The following ZNF573 variants were observed in gnomAD, a reference collection of about 807,000 sequenced individuals.
The protein encoded by ZNF573 is zinc finger protein 573.
A neutral mutation model predicts 57.4 loss-of-function variants in ZNF573; 41 were observed. The ratio of observed to expected loss-of-function variants is 0.71; its 90% CI spans 0.56 to 0.93. ZNF573 has a LOEUF of 0.93. ZNF573 is among the 40% of genes least tolerant of loss of function. The pLI is 0.00. For synonymous variants in ZNF573, 249 were observed against 261.0 expected (o/e 0.95, Z 0.44); for missense variants, 730 against 794.8 (o/e 0.92, Z 0.98).
At chr19:37,745,444 CTGGAGTGCAG>C (rs1168990591) in intron 4 of ZNF573, among the ~76,000 whole-genome samples, 1 of 151,920 alleles carries the variant, frequency 6.6e-6, no homozygotes, top group Non-Finnish European at 1.5e-5. Context: ...GTTGCCCAGG[CTGGAGTGCAG>C]TGACACGATC....
At chr19:37,776,729 T>C (rs891216087) in intron 1 of ZNF573, among the ~76,000 whole-genome samples, 4 of 152,038 alleles carry the variant, frequency 2.6e-5, no homozygotes, top group African/African-American at 4.8e-5. Context: ...ATTCACAAAC[T>C]GTACATCCAA....
intron 3 of ZNF573, among the ~76,000 whole-genome samples, chr19:37,770,832 T>TCATATATA (rs2045649724): frequency 1.1e-5 from 1 of 93,750 alleles, no homozygotes; most frequent in Non-Finnish European, 1.8e-5. Context: ...TTAAGTTATT[T>TCATATATA]TATATATATA....
chr19:37,739,393 G>A lies in ZNF573; in HGVS notation c.1097C>T (p.Thr366Ile), dbSNP rs1260212212. ...AGTAAGATTTCTATACAAAGTAAAGGTTTTCTTACACTCCTTACATTCATA... is the reference window on the plus strand; with the variant it reads ...AGTAAGATTTCTATACAAAGTAAAGATTTTCTTACACTCCTTACATTCATA... The part of the protein sequence containing the change: ...KPYECKECKK[T>I]FTLYRNLTRH... Residue 366 changes from threonine to isoleucine, a missense_variant, in exon 5 of 5, where the codon ACC becomes ATC. Transcript: ENST00000536220. The A allele has an allele frequency of 6.2e-7, 1 of 1,613,636 alleles. No individual in the cohort carries two copies. Among genetic ancestry groups the A allele is most frequent in the Non-Finnish European group, 8.5e-7 (1 of 1,179,950 alleles).
intron 4 of ZNF573, among the ~76,000 whole-genome samples, chr19:37,750,136 G>T (rs1269974780): frequency 1.3e-5 from 2 of 150,700 alleles, no homozygotes; most frequent in East Asian, 3.9e-4. Context: ...AGGCTGGGGT[G>T]CAGTGGCACG....
At chr19:37,753,741 T>A (rs1189960913) in intron 4 of ZNF573, among the ~76,000 whole-genome samples, 1 of 152,084 alleles carries the variant, frequency 6.6e-6, no homozygotes, top group South Asian at 2.1e-4. Flanking sequence ...AACAAAAAAA[T>A]TTTTATAGTT....
chr19:37,743,781 A>G (rs2045350695), intron 4 of ZNF573, among the ~76,000 whole-genome samples: 1 of 152,252 alleles, frequency 6.6e-6, no homozygotes, highest in South Asian at 2.1e-4. Context: ...AATGTGGTAC[A>G]TATACACCAT....
chr19:37,747,978 G>A (rs1035482382), intron 4 of ZNF573, among the ~76,000 whole-genome samples: 2 of 152,144 alleles, frequency 1.3e-5, no homozygotes, highest in African/African-American at 2.4e-5. Flanking sequence ...GAGCCACCGC[G>A]CCCGGCTGTT....
intron 4 of ZNF573, among the ~76,000 whole-genome samples, chr19:37,768,936 G>C (rs1329110412): frequency 2.0e-5 from 3 of 150,944 alleles, no homozygotes; most frequent in African/African-American, 7.3e-5. Flanking sequence ...AAAGTGCTGG[G>C]ATTACAGGCG....
At chr19:37,772,798 T>A (rs2145333800) in intron 2 of ZNF573, 1 of 196,396 alleles carries the variant, frequency 5.1e-6, no homozygotes, top group Middle Eastern at 2.5e-3. Flanking sequence ...CATGCCCAGA[T>A]GATTTTTGTA....
At chr19:37,779,074 G>T (rs1450323180) in intron 1 of ZNF573, among the ~76,000 whole-genome samples, 1 of 152,118 alleles carries the variant, frequency 6.6e-6, no homozygotes, top group African/African-American at 2.4e-5. Flanking sequence ...GCAAGCAGCT[G>T]TGAGGAGGGA....
intron 4 of ZNF573, among the ~76,000 whole-genome samples, chr19:37,768,868 G>A (rs867226904): frequency 8.2e-5 from 9 of 109,890 alleles, no homozygotes; most frequent in East Asian, 2.8e-4. Context: ...GGGTTTCACC[G>A]TGTTAGCCAG....
intron 4 of ZNF573, chr19:37,755,320 T>A (rs957336728): frequency 6.6e-6 from 1 of 152,228 alleles, no homozygotes; most frequent in Non-Finnish European, 1.5e-5. Flanking sequence ...AATGCTTATC[T>A]CTGATAATAA....
chr19:37,759,970 C>T (rs1466676292), intron 4 of ZNF573, among the ~76,000 whole-genome samples: 3 of 152,164 alleles, frequency 2.0e-5, no homozygotes, highest in East Asian at 1.9e-4. Flanking sequence ...TTTTTCTCAG[C>T]TTCAGCAATA....
At chr19:37,746,348 T>C (rs915094458) in intron 4 of ZNF573, among the ~76,000 whole-genome samples, 4 of 152,176 alleles carry the variant, frequency 2.6e-5, no homozygotes, top group African/African-American at 9.7e-5. Flanking sequence ...TGGAGTTGAA[T>C]AGATACAGAA....
At chr19:37,764,301 G>GAT (rs1555743551) in intron 4 of ZNF573, among the ~76,000 whole-genome samples, 3 of 146,728 alleles carry the variant, frequency 2.0e-5, no homozygotes, top group Non-Finnish European at 4.5e-5. Flanking sequence ...TATACTTAGA[G>GAT]TTTTTTTTTG....
intron 4 of ZNF573, among the ~76,000 whole-genome samples, chr19:37,764,785 T>A (rs2045586390): frequency 1.4e-5 from 2 of 147,800 alleles, no homozygotes; most frequent in Admixed American, 1.3e-4. Flanking sequence ...TTGTATTTTT[T>A]GTAGAGACGG....
chr19:37,738,969 A>T lies in ZNF573; in HGVS notation c.1521T>A (p.Phe507Leu). ...PYKCKECGKT[F>L]SLHGYLNQHQ... ...GTTGATTAAGATATCCATGCAAGCT[A>T]AAGGTCTTGCCACATTCCTTACATT... Residue 507 changes from phenylalanine to leucine, a missense_variant, in exon 5 of 5, where the codon TTT becomes TTA. Physicochemically the swap from Phe to Leu is conservative, Grantham distance 22. Coordinates refer to ENST00000536220, the MANE Select transcript of ZNF573 (RefSeq NM_001172690.2). 1 of 1,613,858 alleles carries T rather than the reference A, an allele frequency of 6.2e-7. No homozygotes were observed. The highest frequency in any genetic ancestry group is 8.5e-7 in the Non-Finnish European group (1 of 1,179,942).
chr19:37,762,813 C>A (rs1008499506), intron 4 of ZNF573, among the ~76,000 whole-genome samples: 1 of 151,386 alleles, frequency 6.6e-6, no homozygotes, highest in Non-Finnish European at 1.5e-5. Flanking sequence ...ATTCTGTCAC[C>A]AAGGCTGGAG....
intron 4 of ZNF573, among the ~76,000 whole-genome samples, chr19:37,765,441 T>C (rs2045592786): frequency 6.6e-6 from 1 of 151,930 alleles, no homozygotes. Flanking sequence ...CTGGGAGTGG[T>C]GGCTCATGAC....
Sources: gnomAD v4.1 joint callset for allele counts (sites outside exome capture counted in the v4.1 genomes callset) on GRCh38, gnomAD v4.1.1 for gene constraint, MANE v1.5 for transcripts, NCBI Gene and HGNC (gene_info 2026-07-23, HGNC 2026-07-21) for gene names.